The following HDGF variants were observed in gnomAD, a reference collection of about 807,000 sequenced individuals.
HDGF encodes the protein heparin binding growth factor.
HDGF carries 5 observed loss-of-function variants against 30.0 expected under a neutral mutation model. The observed-to-expected ratio is 0.17, with a 90% CI of 0.09 to 0.35. The LOEUF (loss-of-function observed/expected upper bound fraction) is 0.35, where lower values mean the gene tolerates loss of function less well. HDGF is among the 10% of genes least tolerant of loss of function. HDGF has a pLI of 1.00. For synonymous variants in HDGF, 133 were observed against 112.7 expected, an observed-to-expected ratio of 1.18 and a Z score of -1.14; for missense variants, 214 against 302.8, an observed-to-expected ratio of 0.71 and a Z score of 2.18.
At chr1:156,749,177 C>G (rs960746092) in intron 1 of HDGF, among the ~76,000 whole-genome samples, 2 of 152,156 alleles carry the variant, frequency 1.3e-5, no homozygotes, top group Admixed American at 1.3e-4. Flanking sequence ...TCTAGTTTCA[C>G]CCAGAATCAC....
chr1:156,751,838 C>T (rs1651003459), upstream of HDGF: 2 of 1,004,400 alleles, frequency 2.0e-6, no homozygotes, highest in Admixed American at 4.1e-5. The surrounding 1 kb of genome is among the most constrained non-coding windows in gnomAD (Gnocchi z 4.7). Context: ...TTCTTGACGC[C>T]CAGGGCCTGC....
chr1:156,758,581 A>C (rs1490211956), intron 2 of HDGF, among the ~76,000 whole-genome samples: 1 of 149,990 alleles, frequency 6.7e-6, no homozygotes, highest in Non-Finnish European at 1.5e-5. Context: ...TGACAGAGCG[A>C]GACTCCGTCT....
In HDGF at chr1:156,745,165, CTG is replaced by C; in HGVS notation, c.165-21_165-20del. ...GAATGCCCTGGTGAGAGATGGGAGA[CTG>C]TGCTCTCAAGCCCCTCACTGCCCCT... is the stretch of plus-strand genomic sequence containing the variant. On this transcript the variant is annotated intron_variant, in intron 2 of 5. Coordinates refer to ENST00000357325, the MANE Select transcript of HDGF (RefSeq NM_004494.3). 1 of 1,613,932 alleles carries C rather than the reference CTG, an allele frequency of 6.2e-7. No homozygotes were observed. Among genetic ancestry groups the C allele is most frequent in the Non-Finnish European group, 8.5e-7 (1 of 1,179,916 alleles).
At chr1:156,745,694 T>C (rs1386255011) in intron 1 of HDGF, among the ~76,000 whole-genome samples, 1 of 152,214 alleles carries the variant, frequency 6.6e-6, no homozygotes, top group Non-Finnish European at 1.5e-5. Context: ...TTCTCCACAA[T>C]GCAGCCAGAG....
chr1:156,746,019 C>A (rs1056177841), intron 1 of HDGF, among the ~76,000 whole-genome samples: 1 of 152,202 alleles, frequency 6.6e-6, no homozygotes, highest in Non-Finnish European at 1.5e-5. Context: ...ACTGTCTTTT[C>A]TGCTCTGACC....
At chr1:156,754,068 A>G (rs377745089), upstream of HDGF, among the ~76,000 whole-genome samples, 3 of 151,594 alleles carry the variant, frequency 2.0e-5, no homozygotes, top group East Asian at 5.8e-4. Context: ...GGCACGCGTC[A>G]CCACGCCAGG....
chr1:156,755,101 C>T (rs11809668), upstream of HDGF, among the ~76,000 whole-genome samples: 653 of 152,334 alleles, frequency 4.3e-3, 1 homozygote, highest in African/African-American at 0.015. Context: ...CTCAACCCAC[C>T]AGCCCAGGTG....
upstream of HDGF, among the ~76,000 whole-genome samples, chr1:156,753,180 A>C (rs1193333311): frequency 6.6e-6 from 1 of 152,068 alleles, no homozygotes; most frequent in African/African-American, 2.4e-5. Context: ...ATGTTTCACT[A>C]TTTTTGCCTT....
chr1:156,749,792 C>T (rs1650838413), intron 1 of HDGF, among the ~76,000 whole-genome samples: 1 of 12,872 alleles, frequency 7.8e-5, no homozygotes, highest in African/African-American at 1.3e-4. Flanking sequence ...TTCCAGCTAA[C>T]ACCCACTCCC....
intron 1 of HDGF, among the ~76,000 whole-genome samples, chr1:156,765,073 C>A (rs902569470): frequency 6.6e-6 from 1 of 150,450 alleles, no homozygotes; most frequent in Non-Finnish European, 1.5e-5. Context: ...CTCTGTAATA[C>A]TTTATCCGCG....
At chr1:156,761,118 G>T (rs1651242540) in intron 1 of HDGF, among the ~76,000 whole-genome samples, 1 of 151,714 alleles carries the variant, frequency 6.6e-6, no homozygotes, top group Non-Finnish European at 1.5e-5. Flanking sequence ...TTCGAGACCA[G>T]CCTGGCTAAC....
At chr1:156,751,985 C>T, upstream of HDGF, 1 of 1,510,234 alleles carries the variant, frequency 6.6e-7, no homozygotes, top group East Asian at 2.5e-5. This position sits in a 1 kb window ranked among gnomAD's most constrained non-coding sequence, Gnocchi z 4.7. Flanking sequence ...GGAGCTGGCG[C>T]CCGGCTGGAC....
chr1:156,754,018 C>T (rs1375611691), upstream of HDGF, among the ~76,000 whole-genome samples: 5 of 151,782 alleles, frequency 3.3e-5, no homozygotes, highest in Non-Finnish European at 5.9e-5. Context: ...CAGGATCAAG[C>T]GATTCTCCTG....
At chr1:156,751,970 C>G, upstream of HDGF, 1 of 1,446,824 alleles carries the variant, frequency 6.9e-7, no homozygotes, top group Non-Finnish European at 9.4e-7. This position sits in a 1 kb window ranked among gnomAD's most constrained non-coding sequence, Gnocchi z 4.7. Flanking sequence ...CCCGCCCGCC[C>G]GGGAGGAGCT....
rs1650252076 is a variant in HDGF at position 156,743,181 on chromosome 1, G to A, written c.*268C>T. 2.5e-6 allele frequency: 1 copy of A among 407,356 alleles called. No individual in the cohort carries two copies. The highest frequency in any genetic ancestry group is 4.4e-6 in the Non-Finnish European group (1 of 228,456). 25.2% of individuals were successfully genotyped at this position (407,356 alleles called of 1,614,324 possible). On this transcript the variant is annotated 3_prime_UTR_variant, in exon 6 of 6. Transcript: ENST00000357325. ...CCTGGAAAATAGCTCCAAGCGGAAG[G>A]AACACAGTGGCCTCAACTCATTCCA...
At chr1:156,764,972 T>C (rs1355119870) in intron 1 of HDGF, among the ~76,000 whole-genome samples, 1 of 152,108 alleles carries the variant, frequency 6.6e-6, no homozygotes, top group African/African-American at 2.4e-5. Flanking sequence ...GCAAGATGTG[T>C]TGACAAACAA....
chr1:156,764,825 G>A (rs1651323003), intron 1 of HDGF, among the ~76,000 whole-genome samples: 1 of 151,048 alleles, frequency 6.6e-6, no homozygotes, highest in Admixed American at 6.6e-5. Context: ...GGTGGAGGTT[G>A]CGGTGAGCCA....
intron 1 of HDGF, among the ~76,000 whole-genome samples, chr1:156,760,726 G>A (rs1558040205): frequency 6.6e-6 from 1 of 152,046 alleles, no homozygotes; most frequent in Admixed American, 6.6e-5. Flanking sequence ...CCTGGGGCCT[G>A]TCAGTCACCC....
At position 156,751,317 on chromosome 1, in the gene HDGF, A is replaced by G; in HGVS notation, c.87+26T>C. The G allele has an allele frequency of 2.5e-6, 4 of 1,595,432 alleles. No homozygotes were observed. The highest frequency in any genetic ancestry group is 3.4e-6 in the Non-Finnish European group (4 of 1,170,068). Reference sequence around the variant, plus strand: ...ATGCAACCCAAGCCCGCAGGGGGTTAGGGGGCGGCGGGCCGCGCTGCTCAC... The same window carrying G: ...ATGCAACCCAAGCCCGCAGGGGGTTGGGGGGCGGCGGGCCGCGCTGCTCAC... On this transcript the variant is annotated intron_variant, in intron 1 of 5. Coordinates refer to ENST00000357325, the MANE Select transcript of HDGF (RefSeq NM_004494.3). This position sits in a 1 kb window ranked among gnomAD's most constrained non-coding sequence, Gnocchi z 4.7.
Sources: gnomAD v4.1 joint callset for allele counts (sites outside exome capture counted in the v4.1 genomes callset) on GRCh38, gnomAD v4.1.1 for gene constraint, Gnocchi (gnomAD v3.1) non-coding constraint, MANE v1.5 for transcripts, NCBI Gene and HGNC (gene_info 2026-07-23, HGNC 2026-07-21) for gene names.